IMMP2L: variants seen among roughly 807,000 people sequenced by gnomAD.
The protein encoded by IMMP2L is mitochondrial inner membrane protease subunit 2.
In IMMP2L, 18 loss-of-function variants were observed where a neutral mutation model predicts 19.3. The observed-to-expected ratio is 0.93, with a 90% confidence interval of 0.64 to 1.38. The LOEUF (loss-of-function observed/expected upper bound fraction) is 1.38, where lower values mean the gene tolerates loss of function less well. Among genes scored for constraint, IMMP2L ranks in the 40% most tolerant of loss-of-function variants. The pLI, the probability that IMMP2L is intolerant of heterozygous loss-of-function variation, is 0.00. For synonymous variants in IMMP2L, 76 were observed against 73.0 expected, an observed-to-expected ratio of 1.04 and a Z score of -0.21; for missense variants, 233 against 218.2, an observed-to-expected ratio of 1.07 and a Z score of -0.43.
At chr7:111,084,221 G>A (rs1168033131) in intron 3 of IMMP2L, among the ~76,000 whole-genome samples, 2 of 151,088 alleles carry the variant, frequency 1.3e-5, no homozygotes, top group African/African-American at 4.9e-5. Context: ...AGTTGTATAT[G>A]GTGAAATGCA....
chr7:110,993,326 C>G (rs1030315503), intron 3 of IMMP2L, among the ~76,000 whole-genome samples: 2 of 152,148 alleles, frequency 1.3e-5, no homozygotes, highest in Non-Finnish European at 2.9e-5. Flanking sequence ...TCCTATGTCT[C>G]TGCTCTAAAC....
intron 1 of IMMP2L, among the ~76,000 whole-genome samples, chr7:111,538,964 A>AG (rs2132914314): frequency 6.6e-6 from 1 of 151,456 alleles, no homozygotes; most frequent in African/African-American, 2.4e-5. Flanking sequence ...TACTAAAAAA[A>AG]CAAAAATTAG....
intron 5 of IMMP2L, among the ~76,000 whole-genome samples, chr7:110,825,355 C>G (rs1191192240): frequency 1.3e-5 from 2 of 152,034 alleles, no homozygotes; most frequent in African/African-American, 4.8e-5. Context: ...TCATATGGAA[C>G]CAAAAAAGAG....
At chr7:110,995,355 A>T (rs536631206) in intron 3 of IMMP2L, among the ~76,000 whole-genome samples, 7 of 152,276 alleles carry the variant, frequency 4.6e-5, no homozygotes, top group Admixed American at 3.3e-4. Flanking sequence ...TGCCCCACTA[A>T]AGCATATTTA....
At chr7:111,114,786 C>T (rs1249107364) in intron 3 of IMMP2L, among the ~76,000 whole-genome samples, 1 of 149,568 alleles carries the variant, frequency 6.7e-6, no homozygotes, top group Non-Finnish European at 1.5e-5. Context: ...TACATTGAAA[C>T]CATTTTGAGA....
intron 3 of IMMP2L, among the ~76,000 whole-genome samples, chr7:111,395,419 T>C (rs1028702756): frequency 3.3e-5 from 5 of 152,208 alleles, no homozygotes; most frequent in African/African-American, 1.2e-4. Context: ...CTACATGAAC[T>C]CAGTTTTACT....
intron 5 of IMMP2L, among the ~76,000 whole-genome samples, chr7:110,845,822 G>A (rs1377835893): frequency 6.6e-6 from 1 of 152,104 alleles, no homozygotes; most frequent in African/African-American, 2.4e-5. Flanking sequence ...GGTCATGAGA[G>A]TGGAGCCCTC....
chr7:111,551,939 G>GAA (rs753336918), intron 1 of IMMP2L, among the ~76,000 whole-genome samples: 10 of 152,222 alleles, frequency 6.6e-5, no homozygotes, highest in Admixed American at 1.3e-4. Flanking sequence ...TACTAAAAGA[G>GAA]AAATACAAAG....
At chr7:110,805,013 G>A (rs539757101) in intron 5 of IMMP2L, among the ~76,000 whole-genome samples, 2 of 152,212 alleles carry the variant, frequency 1.3e-5, no homozygotes, top group South Asian at 4.1e-4. Flanking sequence ...CACCAGTGAT[G>A]TCCTTCACGA....
intron 3 of IMMP2L, among the ~76,000 whole-genome samples, chr7:111,209,193 C>T (rs1372951666): frequency 6.6e-6 from 1 of 151,994 alleles, no homozygotes; most frequent in Admixed American, 6.6e-5. Flanking sequence ...GTCAGCAGAT[C>T]AAGATCATTC....
intron 3 of IMMP2L, among the ~76,000 whole-genome samples, chr7:111,171,074 C>T (rs1196841912): frequency 6.6e-6 from 1 of 151,652 alleles, no homozygotes; most frequent in East Asian, 1.9e-4. Flanking sequence ...TTTACTTTTA[C>T]CTCTGAGAAA....
At chr7:111,163,917 A>G (rs1805541721) in intron 3 of IMMP2L, among the ~76,000 whole-genome samples, 1 of 152,034 alleles carries the variant, frequency 6.6e-6, no homozygotes, top group African/African-American at 2.4e-5. Context: ...ATAGATGGGG[A>G]GGAGACCAAG....
At chr7:111,450,762 C>G (rs866934346) in intron 3 of IMMP2L, among the ~76,000 whole-genome samples, 63 of 151,324 alleles carry the variant, frequency 4.2e-4, no homozygotes, top group Admixed American at 6.6e-4. Context: ...TACCATCAGA[C>G]TGAACAGGCA....
rs543011629 is a variant in IMMP2L at position 110,897,168 on chromosome 7, G to A, written c.306-10473C>T. On this transcript the variant is annotated intron_variant, in intron 4 of 5. Coordinates refer to ENST00000405709, the MANE Select transcript of IMMP2L (RefSeq NM_032549.4). ...AAAGGTATGCTGTAAAATAACATAC[G>A]AAAATACCTCAGTATTTTGAAATTA... Among the ~76,000 whole-genome samples the A allele has an allele frequency of 1.4e-3, 211 of 152,168 alleles. 1 individual carries two copies. The highest frequency in any genetic ancestry group is 4.9e-3 in the African/African-American group (205 of 41,540).
intron 3 of IMMP2L, among the ~76,000 whole-genome samples, chr7:111,277,183 T>C (rs1281818594): frequency 6.6e-6 from 1 of 151,748 alleles, no homozygotes; most frequent in Non-Finnish European, 1.5e-5. Context: ...AGACAGTCTA[T>C]AGAATGGGAA....
At chr7:111,310,101 G>A (rs1823341869) in intron 3 of IMMP2L, among the ~76,000 whole-genome samples, 1 of 151,936 alleles carries the variant, frequency 6.6e-6, no homozygotes, top group Admixed American at 6.6e-5. Flanking sequence ...TGGGCATGGT[G>A]GTGTGTGCCT....
intron 2 of IMMP2L, among the ~76,000 whole-genome samples, chr7:111,500,698 T>C (rs975936721): frequency 2.6e-5 from 4 of 152,170 alleles, no homozygotes; most frequent in African/African-American, 7.2e-5. Context: ...CCGCTGCTGA[T>C]ACCCAGGCAT....
chr7:111,549,321 C>T (rs10268264), intron 1 of IMMP2L, among the ~76,000 whole-genome samples: 142,909 of 152,220 alleles, frequency 0.94, 67,248 homozygotes, highest in East Asian at 0.97. Flanking sequence ...AAAAATAACC[C>T]ATGAAGTATG....
chr7:111,154,387 C>A (rs76096084), intron 3 of IMMP2L, among the ~76,000 whole-genome samples: 1 of 151,834 alleles, frequency 6.6e-6, no homozygotes, highest in African/African-American at 2.4e-5. Flanking sequence ...TAGGATCTTC[C>A]CAGTGAGAAT....
Sources: allele counts gnomAD v4.1 joint callset (sites outside exome capture counted in the v4.1 genomes callset), GRCh38; gene constraint gnomAD v4.1.1; transcripts MANE v1.5; gene names NCBI Gene and HGNC (gene_info 2026-07-23, HGNC 2026-07-21).